PDZRN3: variants seen among roughly 807,000 people sequenced by gnomAD.
PDZRN3 encodes the protein PDZ domain containing ring finger 3.
A neutral mutation model predicts 85.7 loss-of-function variants in PDZRN3; 38 were observed. That is an observed-to-expected ratio of 0.44 (90% CI 0.34 to 0.58). The LOEUF is 0.58. Ranked by LOEUF, PDZRN3 falls within the 20% of genes least tolerant of loss-of-function variation. The pLI is 0.01. For missense variants in PDZRN3, 1,629 were observed against 1,506.4 expected, an observed-to-expected ratio of 1.08 and a Z score of -1.35; for synonymous variants, 759 against 638.0, an observed-to-expected ratio of 1.19 and a Z score of -2.86.
At chr3:73,449,350 G>C (rs921986800) in intron 3 of PDZRN3, among the ~76,000 whole-genome samples, 2 of 151,462 alleles carry the variant, frequency 1.3e-5, no homozygotes, top group Admixed American at 1.3e-4. Flanking sequence ...AACGGCTGTA[G>C]TTAAACATCA....
intron 3 of PDZRN3, among the ~76,000 whole-genome samples, chr3:73,553,728 C>T (rs752753218): frequency 7.9e-5 from 12 of 152,148 alleles, no homozygotes; most frequent in Non-Finnish European, 1.2e-4. Context: ...CTTCAGAACA[C>T]GCAGGAAGAA....
intron 3 of PDZRN3, among the ~76,000 whole-genome samples, chr3:73,456,184 ATGTGTGTGTGTGTG>A (rs10608893): frequency 9.0e-4 from 136 of 150,752 alleles, no homozygotes; most frequent in African/African-American, 3.1e-3. Context: ...GAGAAGAAAA[ATGTGTGTGTGTGTG>A]TGTGTGTGTG....
chr3:73,433,135 T>C (rs561988771), intron 3 of PDZRN3, among the ~76,000 whole-genome samples: 27 of 152,178 alleles, frequency 1.8e-4, no homozygotes, highest in Non-Finnish European at 3.2e-4. Flanking sequence ...GGTACAGAAA[T>C]GGCAAGTGAG....
rs373439234 is a variant in PDZRN3 at position 73,386,993 on chromosome 3, G to C, written c.1518+975C>G. The stretch of plus-strand genomic sequence containing the variant: ...GGGAGATAATTGAATCATGGGGGCA[G>C]TTTTCCCCATACTGTTCTCATGGTA... On this transcript the variant is annotated intron_variant, in intron 8 of 9. Coordinates refer to ENST00000263666, the MANE Select transcript of PDZRN3 (RefSeq NM_015009.3). 5.3e-5 allele frequency among the ~76,000 whole-genome samples: 8 copies of C among 152,310 alleles called. No homozygotes were observed. The East Asian group carries it at 1.5e-3, about 29-fold the overall frequency.
At chr3:73,539,125 C>T (rs1043726082) in intron 3 of PDZRN3, among the ~76,000 whole-genome samples, 1 of 152,192 alleles carries the variant, frequency 6.6e-6, no homozygotes, top group Non-Finnish European at 1.5e-5. Flanking sequence ...GTCTGCTTCG[C>T]TGGCTTTACC....
intron 3 of PDZRN3, among the ~76,000 whole-genome samples, chr3:73,520,658 A>G (rs1704343884): frequency 6.6e-6 from 1 of 152,210 alleles, no homozygotes; most frequent in South Asian, 2.1e-4. Context: ...GGACAATGAA[A>G]GACTCCCAGG....
At chr3:73,547,491 T>C (rs1701452319) in intron 3 of PDZRN3, among the ~76,000 whole-genome samples, 1 of 152,214 alleles carries the variant, frequency 6.6e-6, no homozygotes, top group Non-Finnish European at 1.5e-5. Context: ...TACAGTGCAG[T>C]GGCCTGCAAG....
At chr3:73,418,356 T>G (rs991633767) in intron 3 of PDZRN3, among the ~76,000 whole-genome samples, 2 of 152,202 alleles carry the variant, frequency 1.3e-5, no homozygotes, top group Admixed American at 6.5e-5. Flanking sequence ...GCAAGATTCA[T>G]GTATAGGTGA....
rs545521556 is a variant in PDZRN3, at chr3:73,618,697, A to C, written c.723+5406T>G. Reference sequence around the variant, plus strand: ...TATAGCGAGGCAAGCACCATTTCTGAACACAGAAAGAGCCACTTACAGACA... The same window carrying C: ...TATAGCGAGGCAAGCACCATTTCTGCACACAGAAAGAGCCACTTACAGACA... On this transcript the variant is annotated intron_variant, in intron 1 of 9. Coordinates refer to ENST00000263666, the MANE Select transcript of PDZRN3 (RefSeq NM_015009.3). 7.2e-5 allele frequency among the ~76,000 whole-genome samples: 11 copies of C among 152,376 alleles called. No individual in the cohort carries two copies. In the South Asian group the frequency reaches 2.3e-3, roughly 32 times the overall value.
At chr3:73,445,456 AAC>A (rs1702728099) in intron 3 of PDZRN3, among the ~76,000 whole-genome samples, 2 of 152,314 alleles carry the variant, frequency 1.3e-5, no homozygotes, top group South Asian at 4.1e-4. Context: ...AACAAAACAA[AAC>A]AAAACAAAAC....
chr3:73,474,789 C>G (rs929284567), intron 3 of PDZRN3, among the ~76,000 whole-genome samples: 1 of 152,068 alleles, frequency 6.6e-6, no homozygotes, highest in Admixed American at 6.5e-5. Flanking sequence ...AAGAAAGGAG[C>G]AAGCTGTGAA....
intron 3 of PDZRN3, among the ~76,000 whole-genome samples, chr3:73,572,216 A>C (rs972275091): frequency 1.3e-5 from 2 of 152,168 alleles, no homozygotes; most frequent in Admixed American, 1.3e-4. Context: ...GAATTTGCTA[A>C]GTTTTGACCC....
intron 3 of PDZRN3, among the ~76,000 whole-genome samples, chr3:73,600,215 C>T (rs1323559530): frequency 1.3e-5 from 2 of 151,668 alleles, no homozygotes; most frequent in Non-Finnish European, 2.9e-5. Context: ...AAGGGTCTTA[C>T]GGTGAAGATC....
At chr3:73,408,376 G>A in intron 3 of PDZRN3, 1 of 601,428 alleles carries the variant, frequency 1.7e-6, no homozygotes, top group South Asian at 2.0e-5. Context: ...CAGTGCTCGT[G>A]GGGATCCTGT....
intron 3 of PDZRN3, among the ~76,000 whole-genome samples, chr3:73,589,972 G>T (rs1442874418): frequency 6.6e-6 from 1 of 151,942 alleles, no homozygotes; most frequent in Non-Finnish European, 1.5e-5. Context: ...AATATTATTT[G>T]TCAAAACGCA....
At position 73,624,330 on chromosome 3, in the gene PDZRN3, G is replaced by C. The variant is rs1332936240; in HGVS notation, c.496C>G (p.Leu166Val). 1.5e-6 allele frequency: 2 copies of C among 1,309,820 alleles called. No homozygotes were observed. The highest frequency in any genetic ancestry group is 9.6e-7 in the Non-Finnish European group (1 of 1,036,878). The allele number at this position is 1,309,820 out of a possible 1,614,324, so 81.1% of individuals were successfully genotyped here. ...TGGAGCGCGCCGTTGTGCGCCCGCA[G>C]CGCTCGCGCGCAGCAGTGGCCGCCC... Reference protein sequence around the residue: ...RAGGHCCARALRAHNGALQAR... With the variant: ...RAGGHCCARAVRAHNGALQAR... Residue 166 changes from leucine (L) to valine (V), a missense_variant, in exon 1 of 10, where the codon CTG (leucine) becomes GTG (valine). Physicochemically the swap from Leu to Val is conservative, Grantham distance 32. Transcript: ENST00000263666.
chr3:73,457,982 G>A (rs1703021872), intron 3 of PDZRN3, among the ~76,000 whole-genome samples: 1 of 152,178 alleles, frequency 6.6e-6, no homozygotes, highest in South Asian at 2.1e-4. Flanking sequence ...CTGACCAGAT[G>A]GAAACAGACA....
chr3:73,516,888 T>C (rs1704265905), intron 3 of PDZRN3, among the ~76,000 whole-genome samples: 1 of 152,218 alleles, frequency 6.6e-6, no homozygotes, highest in Non-Finnish European at 1.5e-5. Context: ...GCCTATGGAA[T>C]GGGCTATGAG....
At chr3:73,505,277 T>C (rs1270105445) in intron 3 of PDZRN3, among the ~76,000 whole-genome samples, 4 of 152,208 alleles carry the variant, frequency 2.6e-5, no homozygotes, top group Non-Finnish European at 5.9e-5. Context: ...TTGAGCCCTT[T>C]GAGAAAACCC....
Sources: gnomAD v4.1 joint callset for allele counts (sites outside exome capture counted in the v4.1 genomes callset) on GRCh38, gnomAD v4.1.1 for gene constraint, MANE v1.5 for transcripts, NCBI Gene and HGNC (gene_info 2026-07-23, HGNC 2026-07-21) for gene names.